SLC27A4: variants seen among roughly 807,000 people sequenced by gnomAD.
SLC27A4 encodes the protein solute carrier family 27 member 4, also known as long-chain fatty acid transport protein 4.
In SLC27A4, 33 loss-of-function variants were observed where a neutral mutation model predicts 64.4. That is an observed-to-expected ratio of 0.51 (90% CI 0.39 to 0.68). SLC27A4 has a LOEUF of 0.68. SLC27A4 is among the 30% of genes least tolerant of loss of function. SLC27A4 has a pLI of 0.00. For missense variants in SLC27A4, 824 were observed against 883.5 expected (o/e 0.93, Z 0.85); for synonymous variants, 377 against 370.0 (o/e 1.02, Z -0.22).
intron 4 of SLC27A4, 30 bp downstream of exon 4, chr9:128,348,733 C>T: frequency 1.9e-6 from 3 of 1,605,514 alleles, no homozygotes; most frequent in Non-Finnish European, 2.6e-6. Context: ...CATAGAGGGG[C>T]TCTCACACAG....
rs772460936 is a variant in SLC27A4, at chr9:128,348,540, C to T, written c.557-5C>T. 1 of 1,612,962 alleles carries T rather than the reference C, an allele frequency of 6.2e-7. No individual in the cohort carries two copies. Among genetic ancestry groups the T allele is most frequent in the Non-Finnish European group, 8.5e-7 (1 of 1,180,026 alleles). On this transcript the variant is annotated splice_region_variant and splice_polypyrimidine_tract_variant and intron_variant, in intron 3 of 12. Coordinates refer to ENST00000300456, the MANE Select transcript of SLC27A4 (RefSeq NM_005094.4). Reference sequence around the variant, plus strand: ...CTGCCTGCTGACTGCCCTGTCTCCCCACAGCCATCTGTGAGGTCCATGCCA... The same window carrying T: ...CTGCCTGCTGACTGCCCTGTCTCCCTACAGCCATCTGTGAGGTCCATGCCA...
chr9:128,340,667 G>A lies in SLC27A4; in HGVS notation c.-178G>A, dbSNP rs549113231. 1,589 of 359,162 alleles carry A rather than the reference G, an allele frequency of 4.4e-3. 22 individuals are homozygous for A. The highest frequency in any genetic ancestry group is 0.038 in the South Asian group (348 of 9,066). The allele number at this position is 359,162 out of a possible 1,614,324, so 22.2% of individuals were successfully genotyped here. On this transcript the variant is annotated 5_prime_UTR_variant, in exon 1 of 13. Transcript: ENST00000300456. The stretch of plus-strand genomic sequence containing the variant: ...GGTAGGAGCGCGGCGGGCGGGGCCG[G>A]GCGGCGGGCGGGGCTGGCGGGGCGG...
chr9:128,340,591 A>G lies in SLC27A4; in HGVS notation c.-254A>G. The G allele has an allele frequency of 4.5e-6, 1 of 224,092 alleles. No homozygotes were observed. The highest frequency in any genetic ancestry group is 1.9e-4 in the South Asian group (1 of 5,394). 13.9% of individuals were successfully genotyped at this position (224,092 alleles called of 1,614,324 possible). A position where few individuals can be genotyped will look rare whatever the true frequency, so the allele number is the denominator to read the frequency against. On this transcript the variant is annotated 5_prime_UTR_variant, in exon 1 of 13. Transcript: ENST00000300456. ...TTGCCGGCTTCGGGGAAGGTGCGGC[A>G]GGCGGTGCTGCGGCCTGGCACAGCA... is the stretch of plus-strand genomic sequence containing the variant.
chr9:128,352,883 T>A, intron 7 of SLC27A4, 136 bp downstream of exon 7: 1 of 1,061,902 alleles, frequency 9.4e-7, no homozygotes, highest in Non-Finnish European at 1.4e-6. Context: ...TTCCCATTGT[T>A]CAGATGGGAA....
At chr9:128,354,953 CAAAAAAAAA>C in intron 9 of SLC27A4, 91 bp from the exon 10 acceptor site, 1 of 726,368 alleles carries the variant, frequency 1.4e-6, no homozygotes, top group East Asian at 3.9e-5. Context: ...AACTCCGTCT[CAAAAAAAAA>C]AAAAAAAAAA....
At position 128,353,669 on chromosome 9, in the gene SLC27A4, C is replaced by G; in HGVS notation, c.1324+128C>G. On this transcript the variant is annotated intron_variant, in intron 9 of 12. Coordinates refer to ENST00000300456, the MANE Select transcript of SLC27A4 (RefSeq NM_005094.4). This position sits in a 1 kb window ranked among gnomAD's most constrained non-coding sequence, Gnocchi z 4.9. ...TCTCTGCTCTTAGGGTTACAAGTTA[C>G]TCATTTATTTGTGTATCCATCCATT... 2.1e-6 allele frequency: 2 copies of G among 936,298 alleles called. No homozygotes were observed. The highest frequency in any genetic ancestry group is 3.2e-6 in the Non-Finnish European group (2 of 626,054). 58.0% of individuals were successfully genotyped at this position (936,298 alleles called of 1,614,324 possible).
Position 128,345,683 on chromosome 9 carries a change from G to A in SLC27A4, c.556+134G>A. 1 of 1,055,522 alleles carries A rather than the reference G, an allele frequency of 9.5e-7. No homozygotes were observed. The highest frequency in any genetic ancestry group is 1.6e-5 in the African/African-American group (1 of 62,566). 65.4% of individuals were successfully genotyped at this position (1,055,522 alleles called of 1,614,324 possible). On this transcript the variant is annotated intron_variant, in intron 3 of 12. Transcript: ENST00000300456. This position sits in a 1 kb window ranked among gnomAD's most constrained non-coding sequence, Gnocchi z 4.1. Reference sequence around the variant, plus strand: ...AGAGTGGAGTCAGACAGCTTAGGCAGTGCCACGAGTAAACGAGATCCTGGG... The same window carrying A: ...AGAGTGGAGTCAGACAGCTTAGGCAATGCCACGAGTAAACGAGATCCTGGG...
At chr9:128,355,606 CA>C in intron 11 of SLC27A4, 43 bp from the exon 12 acceptor site, 2 of 1,607,314 alleles carry the variant, frequency 1.2e-6, no homozygotes, top group Non-Finnish European at 1.7e-6. Context: ...AGGCACCACC[CA>C]GGGGCACCAC....
At chr9:128,352,030 C>CA (rs769698769) in intron 6 of SLC27A4, among the ~76,000 whole-genome samples, 1,310 of 113,056 alleles carry the variant, frequency 0.012, 18 homozygotes, top group African/African-American at 0.036. Context: ...ACTAAAAATA[C>CA]AAAAAAAAAA....
chr9:128,360,268 T>C, intron 12 of SLC27A4, 66 bp from the exon 13 acceptor site: 1 of 1,571,730 alleles, frequency 6.4e-7, no homozygotes, highest in Non-Finnish European at 8.7e-7. Flanking sequence ...TCCTCAGTAC[T>C]GGTGGTTGGG....
intron 12 of SLC27A4, among the ~76,000 whole-genome samples, chr9:128,359,891 A>G (rs1832873680): frequency 6.6e-6 from 1 of 152,210 alleles, no homozygotes; most frequent in African/African-American, 2.4e-5. Context: ...AGATGTTAAA[A>G]TCTGCAAGCA....
Position 128,348,222 on chromosome 9 carries a change from G to A in SLC27A4, c.557-323G>A, listed in dbSNP as rs145386998. On this transcript the variant is annotated intron_variant, in intron 3 of 12. Coordinates refer to ENST00000300456, the MANE Select transcript of SLC27A4 (RefSeq NM_005094.4). Reference sequence around the variant, plus strand: ...AGGTAGAGCTGGCATTGCACGCCAGGTCCAGCACATTCTAGCTGTGAGCAG... The same window carrying A: ...AGGTAGAGCTGGCATTGCACGCCAGATCCAGCACATTCTAGCTGTGAGCAG... Among the ~76,000 whole-genome samples the A allele has an allele frequency of 3.4e-3, 518 of 152,246 alleles. 4 individuals carry two copies. The highest frequency in any genetic ancestry group is 0.012 in the African/African-American group (493 of 41,554).
At position 128,353,735 on chromosome 9, in the gene SLC27A4, C is replaced by T. The variant is rs991435281; in HGVS notation, c.1324+194C>T. 2.1e-4 allele frequency among the ~76,000 whole-genome samples: 31 copies of T among 150,934 alleles called. No individual in the cohort carries two copies. Among genetic ancestry groups the T allele is most frequent in the African/African-American group, 6.6e-4 (27 of 40,694 alleles). ...CATTCTATCTGTACATCAGTCCATT[C>T]ATTCATTCTTTTTTTTTTTTTTATT... On this transcript the variant is annotated intron_variant, in intron 9 of 12. Transcript: ENST00000300456. This position sits in a 1 kb window ranked among gnomAD's most constrained non-coding sequence, Gnocchi z 4.9.
At chr9:128,355,014 C>A in intron 9 of SLC27A4, 39 bp from the exon 10 acceptor site, 1 of 1,585,638 alleles carries the variant, frequency 6.3e-7, no homozygotes, top group Non-Finnish European at 8.6e-7. Flanking sequence ...GTGGGAGAGG[C>A]TGCCTAGGGC....
In SLC27A4 at chr9:128,360,500, A is replaced by AT. The variant is rs993068439; in HGVS notation, c.*10dup. ...GCGAGGAGAAGCTGTGATTCCCCCC[A>AT]TCCCTCTGAGGGCCGGCGGATGCTG... On this transcript the variant is annotated 3_prime_UTR_variant, in exon 13 of 13. Coordinates refer to ENST00000300456, the MANE Select transcript of SLC27A4 (RefSeq NM_005094.4). 4 of 1,613,310 alleles carry AT rather than the reference A, an allele frequency of 2.5e-6. No individual in the cohort carries two copies. Among genetic ancestry groups the AT allele is most frequent in the Non-Finnish European group, 3.4e-6 (4 of 1,179,878 alleles).
chr9:128,357,534 C>T (rs1218510406), intron 12 of SLC27A4, among the ~76,000 whole-genome samples: 3 of 152,186 alleles, frequency 2.0e-5, no homozygotes, highest in African/African-American at 7.2e-5. Context: ...GGATTGCAGG[C>T]AGCCCTGAGG....
chr9:128,353,323 G>A lies in SLC27A4; in HGVS notation c.1197+89G>A. 1 of 1,610,828 alleles carries A rather than the reference G, an allele frequency of 6.2e-7. No individual in the cohort carries two copies. Among genetic ancestry groups the A allele is most frequent in the Non-Finnish European group, 8.5e-7 (1 of 1,177,644 alleles). ...AGAGGGGAGGGCAGAGTTCGAGCGT[G>A]AGAGTGTGGGTGCTGGAGTCCCACT... On this transcript the variant is annotated intron_variant, in intron 8 of 12. Coordinates refer to ENST00000300456, the MANE Select transcript of SLC27A4 (RefSeq NM_005094.4). This position sits in a 1 kb window ranked among gnomAD's most constrained non-coding sequence, Gnocchi z 4.9.
At chr9:128,347,810 C>A (rs1243155047) in intron 3 of SLC27A4, among the ~76,000 whole-genome samples, 2 of 150,762 alleles carry the variant, frequency 1.3e-5, no homozygotes, top group Non-Finnish European at 3.0e-5. Context: ...ATCTCTTGAG[C>A]CCAGGAGTTC....
intron 6 of SLC27A4, 40 bp downstream of exon 6, chr9:128,350,615 G>A (rs1401720880): frequency 6.7e-7 from 1 of 1,490,772 alleles, no homozygotes; most frequent in Admixed American, 1.8e-5. Flanking sequence ...GCACCTGCCA[G>A]GTCTCTAGGA....
Sources: allele counts gnomAD v4.1 joint callset (sites outside exome capture counted in the v4.1 genomes callset), GRCh38; gene constraint gnomAD v4.1.1; non-coding constraint Gnocchi (gnomAD v3.1); transcripts MANE v1.5; gene names NCBI Gene and HGNC (gene_info 2026-07-23, HGNC 2026-07-21).